The following WFS1 variants were observed in gnomAD, a reference collection of about 807,000 sequenced individuals.
WFS1 encodes the protein wolframin ER transmembrane glycoprotein, also known as wolframin.
WFS1 carries 90 observed loss-of-function variants against 68.5 expected under a neutral mutation model. The observed-to-expected ratio is 1.31, with a 90% CI of 1.11 to 1.56. The LOEUF is 1.56. WFS1 is among the 40% of genes most tolerant of loss of function. WFS1 has a pLI of 0.00. For missense variants in WFS1, 1,767 were observed against 1,232.6 expected, an observed-to-expected ratio of 1.43 and a Z score of -6.49; for synonymous variants, 860 against 540.7, an observed-to-expected ratio of 1.59 and a Z score of -8.19.
intron 4 of WFS1, among the ~76,000 whole-genome samples, chr4:6,290,436 C>T (rs551366605): frequency 3.9e-5 from 6 of 152,364 alleles, no homozygotes; most frequent in African/African-American, 1.2e-4. Context: ...CAGGGATAGC[C>T]CAGAGGCTGC....
intron 1 of WFS1, among the ~76,000 whole-genome samples, chr4:6,274,932 C>G (rs1729950983): frequency 6.6e-6 from 1 of 152,162 alleles, no homozygotes; most frequent in Non-Finnish European, 1.5e-5. Flanking sequence ...GTACCTGGAG[C>G]TGTTTGACCT....
rs755063164 is a variant in WFS1 at position 6,300,803 on chromosome 4, C to G, written c.1008C>G (p.Leu336=). Residue 336 remains leucine, a synonymous_variant, in exon 8 of 8, where the codon CTC becomes CTG. Coordinates refer to ENST00000226760, the MANE Select transcript of WFS1 (RefSeq NM_006005.3). ...TCTTCTTCTTCATCGTCAGCAACCTCACCATCGACTTCTTCGCCTTCTTCA... is the reference window on the plus strand; with the variant it reads ...TCTTCTTCTTCATCGTCAGCAACCTGACCATCGACTTCTTCGCCTTCTTCA... The part of the protein sequence containing the change: ...ALIFFFIVSN[L]TIDFFAFFIP... The G allele has an allele frequency of 5.6e-6, 9 of 1,613,958 alleles. No individual in the cohort carries two copies. Among genetic ancestry groups the G allele is most frequent in the African/African-American group, 1.3e-5 (1 of 74,924 alleles).
In WFS1 at chr4:6,301,487, C is replaced by T. The variant is rs140643985; in HGVS notation, c.1692C>T (p.Phe564=). Residue 564 remains phenylalanine (F), a synonymous_variant, in exon 8 of 8, where the codon TTC becomes TTT. Transcript: ENST00000226760. ...LGLLRASIGY[F]LFLFALPILV... ...TGCTCCGCGCCTCCATCGGCTACTT[C>T]CTCTTCCTCTTTGCCCTCCCCATCC... The T allele has an allele frequency of 1.6e-5, 26 of 1,612,920 alleles. No homozygotes were observed. Among genetic ancestry groups the T allele is most frequent in the Admixed American group, 6.7e-5 (4 of 60,008 alleles).
chr4:6,270,851 C>A (rs1455588810), intron 1 of WFS1, among the ~76,000 whole-genome samples: 1 of 152,154 alleles, frequency 6.6e-6, no homozygotes, highest in Non-Finnish European at 1.5e-5. Flanking sequence ...AAGTTATAGT[C>A]CCCGTTTGAC....
intron 7 of WFS1, among the ~76,000 whole-genome samples, chr4:6,299,330 C>T (rs920852190): frequency 1.3e-5 from 2 of 152,218 alleles, no homozygotes; most frequent in Non-Finnish European, 2.9e-5. Context: ...CTGACCTTAG[C>T]GCTGCATGCA....
Position 6,287,018 on chromosome 4 carries a change from G to C in WFS1, c.233-75G>C, listed in dbSNP as rs1730329337. The C allele has an allele frequency of 2.3e-6, 3 of 1,324,506 alleles. No homozygotes were observed. The Admixed American group carries it at 5.9e-5, about 26-fold the overall frequency. The allele number at this position is 1,324,506 out of a possible 1,614,324, so 82.0% of individuals were successfully genotyped here. The stretch of plus-strand genomic sequence containing the variant: ...CAGCAGCAGATCTGAAGACCCTCAT[G>C]CCTTGTCCCCTCCATCCTGACAAGT... On this transcript the variant is annotated intron_variant, in intron 2 of 7. Transcript: ENST00000226760. This position sits in a 1 kb window ranked among gnomAD's most constrained non-coding sequence, Gnocchi z 6.4.
intron 2 of WFS1, among the ~76,000 whole-genome samples, chr4:6,281,604 A>G (rs1384739179): frequency 6.6e-6 from 1 of 152,026 alleles, no homozygotes; most frequent in Non-Finnish European, 1.5e-5. Context: ...AGCCTGAGGT[A>G]GGGTCCTGGG....
Position 6,274,354 on chromosome 4 carries a change from T to G in WFS1, c.-5-3097T>G, listed in dbSNP as rs57577006. Among the ~76,000 whole-genome samples, 297 of 151,048 alleles carry G rather than the reference T, an allele frequency of 2.0e-3. 2 individuals are homozygous for G. Among genetic ancestry groups the G allele is most frequent in the African/African-American group, 6.9e-3 (284 of 41,270 alleles). ...GAGCCACCGCGCCTGGCCGGCTTAGTTTTTTTTTAATGCCCAATAGTTTGC... is the reference window on the plus strand; with the variant it reads ...GAGCCACCGCGCCTGGCCGGCTTAGGTTTTTTTTAATGCCCAATAGTTTGC... On this transcript the variant is annotated intron_variant, in intron 1 of 7. Coordinates refer to ENST00000226760, the MANE Select transcript of WFS1 (RefSeq NM_006005.3).
chr4:6,286,358 C>G (rs1200811392), intron 2 of WFS1, among the ~76,000 whole-genome samples: 1 of 152,154 alleles, frequency 6.6e-6, no homozygotes. Flanking sequence ...GCTCCCTTGC[C>G]CCTTCCACCC....
chr4:6,300,917 C>G lies in WFS1; in HGVS notation c.1122C>G (p.Phe374Leu), dbSNP rs1235126935. 3.7e-6 allele frequency: 6 copies of G among 1,614,074 alleles called. No individual in the cohort carries two copies. Among genetic ancestry groups the G allele is most frequent in the Admixed American group, 1.7e-5 (1 of 60,002 alleles). ...AGGACAGCAAGGCCTGGGAGAACTT[C>G]CGCACCCTCACCGACCTGCTGCTGC... ...VFQDSKAWEN[F>L]RTLTDLLLRF... The change falls in exon 8 of 8, where the codon TTC (phenylalanine) becomes TTG (leucine). Residue 374 changes from phenylalanine to leucine, a missense_variant. By Grantham distance (22) the Phe-to-Leu change is conservative (BLOSUM62 0). Coordinates refer to ENST00000226760, the MANE Select transcript of WFS1 (RefSeq NM_006005.3).
intron 7 of WFS1, among the ~76,000 whole-genome samples, chr4:6,298,740 T>G (rs1331862195): frequency 1.3e-5 from 2 of 152,242 alleles, no homozygotes; most frequent in Non-Finnish European, 2.9e-5. Flanking sequence ...TGTTTCCAGG[T>G]GTCCTGGTCC....
At chr4:6,272,174 A>G (rs544967705) in intron 1 of WFS1, among the ~76,000 whole-genome samples, 1 of 152,212 alleles carries the variant, frequency 6.6e-6, no homozygotes, top group East Asian at 1.9e-4. Flanking sequence ...AACCCTTCCC[A>G]TCTAGATGAA....
intron 2 of WFS1, among the ~76,000 whole-genome samples, chr4:6,280,182 ACTGTGTC>A (rs1730119145): frequency 6.6e-6 from 1 of 152,160 alleles, no homozygotes; most frequent in South Asian, 2.1e-4. Context: ...GAGAGGGGAA[ACTGTGTC>A]CTGTGTGGAG....
rs746923441 is a variant in WFS1, at chr4:6,300,669, C to A, written c.874C>A (p.Pro292Thr). 5.6e-6 allele frequency: 9 copies of A among 1,613,962 alleles called. No individual in the cohort carries two copies. Among genetic ancestry groups the A allele is most frequent in the Non-Finnish European group, 7.6e-6 (9 of 1,179,950 alleles). The change falls in exon 8 of 8, where the codon CCC becomes ACC. Residue 292 changes from proline (P) to threonine (T), a missense_variant. Coordinates refer to ENST00000226760, the MANE Select transcript of WFS1 (RefSeq NM_006005.3). The part of the protein sequence containing the change: ...LPLRLKVVKY[P>T]LHAIMEIKEY... ...ATCTTTCCCCCAGGTGGTCAAGTACCCCCTGCACGCCATCATGGAGATCAA... is the reference window on the plus strand; with the variant it reads ...ATCTTTCCCCCAGGTGGTCAAGTACACCCTGCACGCCATCATGGAGATCAA...
At chr4:6,295,004 G>A in intron 6 of WFS1, 37 bp from the exon 7 acceptor site, 2 of 1,612,462 alleles carry the variant, frequency 1.2e-6, no homozygotes, top group East Asian at 2.2e-5. Flanking sequence ...TGGGGCTGCA[G>A]TGTGGGGCGC....
At position 6,301,529 on chromosome 4, in the gene WFS1, C is replaced by G. The variant is rs964981863; in HGVS notation, c.1734C>G (p.Ala578=). The G allele has an allele frequency of 8.7e-6, 14 of 1,613,946 alleles. No homozygotes were observed. The highest frequency in any genetic ancestry group is 1.1e-5 in the Non-Finnish European group (13 of 1,180,040). The change falls in exon 8 of 8, where the codon GCC becomes GCG. Residue 578 remains alanine, a synonymous_variant. Coordinates refer to ENST00000226760, the MANE Select transcript of WFS1 (RefSeq NM_006005.3). The part of the protein sequence containing the change: ...FALPILVAGL[A]LVGVLQFARW... ...TCCCCATCCTGGTGGCCGGCCTGGC[C>G]CTGGTGGGCGTGCTGCAGTTCGCCC...
At chr4:6,270,185 C>T (rs1262222228) in intron 1 of WFS1, among the ~76,000 whole-genome samples, 171 bp downstream of exon 1, 1 of 152,066 alleles carries the variant, frequency 6.6e-6, no homozygotes, top group South Asian at 2.1e-4. Context: ...GCCGGGGGTC[C>T]CGCCCGCTCT....
At chr4:6,275,067 C>T (rs996162809) in intron 1 of WFS1, among the ~76,000 whole-genome samples, 4 of 152,100 alleles carry the variant, frequency 2.6e-5, no homozygotes, top group East Asian at 1.9e-4. Flanking sequence ...CAGGTCCATG[C>T]GAGGAACTCA....
rs1730851655 is a variant in WFS1, at chr4:6,300,749, C to T, written c.954C>T (p.Ile318=). The T allele has an allele frequency of 6.2e-7, 1 of 1,614,126 alleles. No homozygotes were observed. Among genetic ancestry groups the T allele is most frequent in the Non-Finnish European group, 8.5e-7 (1 of 1,180,008 alleles). Residue 318 remains isoleucine, a synonymous_variant, in exon 8 of 8, where the codon ATC becomes ATT. Coordinates refer to ENST00000226760, the MANE Select transcript of WFS1 (RefSeq NM_006005.3). The stretch of plus-strand genomic sequence containing the variant: ...CAGGCATGCACTGGCTGTCCACCAT[C>T]ATCCCCACGCACCACATCAACGCGC... ...SRAGMHWLST[I]IPTHHINALI...
Sources: gnomAD v4.1 joint callset for allele counts (sites outside exome capture counted in the v4.1 genomes callset) on GRCh38, gnomAD v4.1.1 for gene constraint, Gnocchi (gnomAD v3.1) non-coding constraint, MANE v1.5 for transcripts, NCBI Gene and HGNC (gene_info 2026-07-23, HGNC 2026-07-21) for gene names.